The following PCDHGB1 variants were observed in gnomAD, a reference collection of about 807,000 sequenced individuals.
PCDHGB1 encodes protocadherin gamma-B1.
Under a neutral mutation model 56.6 loss-of-function variants are expected in PCDHGB1, and 34 were observed. The observed-to-expected ratio is 0.60, with a 90% CI of 0.46 to 0.80. The LOEUF (loss-of-function observed/expected upper bound fraction) is 0.80, where lower values mean the gene tolerates loss of function less well. PCDHGB1 is among the 30% of genes least tolerant of loss of function. PCDHGB1 has a pLI of 0.00. For missense variants in PCDHGB1, 1,278 were observed against 1,204.6 expected (o/e 1.06, Z -0.90); for synonymous variants, 561 against 505.9 (o/e 1.11, Z -1.46).
Position 141,432,562 on chromosome 5 carries a change from C to G in PCDHGB1, c.2410-62245C>G. On this transcript the variant is annotated intron_variant, in intron 1 of 3. Coordinates refer to ENST00000523390, the MANE Select transcript of PCDHGB1 (RefSeq NM_018922.3). The surrounding 1 kb of genome is among the most constrained non-coding windows in gnomAD (Gnocchi z 6.0). ...CGGTGGACAGAGACTCCGGCCAGAA[C>G]GCCTGGCTGTCCTACCGTCTGCTCA... 1 of 1,613,964 alleles carries G rather than the reference C, an allele frequency of 6.2e-7. No homozygotes were observed. Among genetic ancestry groups the G allele is most frequent in the Non-Finnish European group, 8.5e-7 (1 of 1,180,004 alleles).
At chr5:141,484,899 T>G (rs1296997337) in intron 1 of PCDHGB1, 9 of 398,498 alleles carry the variant, frequency 2.3e-5, no homozygotes, top group Non-Finnish European at 3.1e-5. Flanking sequence ...TCCCCTCCAA[T>G]GCTGCGACGC....
intron 1 of PCDHGB1, chr5:141,393,343 A>G (rs751102208): frequency 8.1e-6 from 13 of 1,613,914 alleles, no homozygotes; most frequent in Non-Finnish European, 1.1e-5. Context: ...CCCAATCACC[A>G]CTTCTCCCTG....
chr5:141,378,077 T>A (rs955421264), intron 1 of PCDHGB1: 1 of 152,136 alleles, frequency 6.6e-6, no homozygotes, highest in Non-Finnish European at 1.5e-5. Flanking sequence ...AGAAAATAAT[T>A]TTATAACTTT....
intron 2 of PCDHGB1, among the ~76,000 whole-genome samples, chr5:141,501,530 G>A (rs556760554): frequency 3.5e-4 from 53 of 151,998 alleles, no homozygotes; most frequent in Admixed American, 2.2e-3. Context: ...AGCCCAGTAC[G>A]TTGTTGTGCA....
At chr5:141,415,252 C>T (rs895920596) in intron 1 of PCDHGB1, 5 of 1,614,098 alleles carry the variant, frequency 3.1e-6, no homozygotes, top group Non-Finnish European at 4.2e-6. Context: ...AACCTCAGAC[C>T]TCACTCTGTA....
At chr5:141,509,077 C>A (rs1371396735) in intron 3 of PCDHGB1, among the ~76,000 whole-genome samples, 3 of 152,242 alleles carry the variant, frequency 2.0e-5, no homozygotes, top group Admixed American at 2.0e-4. Flanking sequence ...CGGGGATTTG[C>A]GACATGAAAT....
intron 1 of PCDHGB1, chr5:141,410,735 T>C: frequency 7.5e-7 from 1 of 1,336,188 alleles, no homozygotes; most frequent in Non-Finnish European, 1.0e-6. Context: ...CATAGCTTTT[T>C]ACAATATTTT....
chr5:141,453,101 T>TTTCTG (rs1554138035), intron 1 of PCDHGB1, among the ~76,000 whole-genome samples: 1 of 152,012 alleles, frequency 6.6e-6, no homozygotes, highest in Non-Finnish European at 1.5e-5. Context: ...TTCTGTTGCT[T>TTTCTG]TTTTGTTTTG....
intron 1 of PCDHGB1, chr5:141,394,415 C>G: frequency 6.2e-7 from 1 of 1,614,242 alleles, no homozygotes; most frequent in Non-Finnish European, 8.5e-7. Flanking sequence ...TGGTAACAGC[C>G]AGCGACAGCG....
rs1482322150 is a variant in PCDHGB1, at chr5:141,485,119, C to T, written c.2410-9688C>T. On this transcript the variant is annotated intron_variant, in intron 1 of 3. Transcript: ENST00000523390. This position sits in a 1 kb window ranked among gnomAD's most constrained non-coding sequence, Gnocchi z 5.7. ...CTCCAGCTGCTGTGGCTGTTTGGGGCGGGTCGGCTTCATCCGCGTCTCAGG... is the reference window on the plus strand; with the variant it reads ...CTCCAGCTGCTGTGGCTGTTTGGGGTGGGTCGGCTTCATCCGCGTCTCAGG... 9.8e-6 allele frequency: 13 copies of T among 1,328,806 alleles called. No individual in the cohort carries two copies. The East Asian group carries it at 1.8e-4, about 19-fold the overall frequency. 82.3% of individuals were successfully genotyped at this position (1,328,806 alleles called of 1,614,324 possible). A position where few individuals can be genotyped will look rare whatever the true frequency, so the allele number is the denominator to read the frequency against.
intron 1 of PCDHGB1, chr5:141,405,493 C>T: frequency 1.2e-6 from 1 of 841,642 alleles, no homozygotes; most frequent in Middle Eastern, 3.1e-4. Flanking sequence ...GATCTCGGCT[C>T]ATTGCAACCT....
chr5:141,491,291 C>T lies in PCDHGB1; in HGVS notation c.2410-3516C>T. 1 of 1,614,152 alleles carries T rather than the reference C, an allele frequency of 6.2e-7. No homozygotes were observed. The highest frequency in any genetic ancestry group is 8.5e-7 in the Non-Finnish European group (1 of 1,179,974). On this transcript the variant is annotated intron_variant, in intron 1 of 3. Coordinates refer to ENST00000523390, the MANE Select transcript of PCDHGB1 (RefSeq NM_018922.3). This position sits in a 1 kb window ranked among gnomAD's most constrained non-coding sequence, Gnocchi z 6.9. The stretch of plus-strand genomic sequence containing the variant: ...AAATCCAGTGACTTCCTCATACACC[C>T]TCCTGAGCGTTCAGACCTTACCCTT...
chr5:141,399,960 G>T, intron 1 of PCDHGB1: 1 of 1,612,214 alleles, frequency 6.2e-7, no homozygotes, highest in Non-Finnish European at 8.5e-7. Flanking sequence ...GCGAGCCCGG[G>T]CTCTTCAGCC....
At chr5:141,371,827 A>T in intron 1 of PCDHGB1, 1 of 1,613,784 alleles carries the variant, frequency 6.2e-7, no homozygotes, top group Non-Finnish European at 8.5e-7. Flanking sequence ...AGAGCCTCGG[A>T]TCCCGACTTG....
chr5:141,502,667 T>G (rs2099815574), intron 2 of PCDHGB1, among the ~76,000 whole-genome samples: 1 of 152,236 alleles, frequency 6.6e-6, no homozygotes. Context: ...TTCATGCAAT[T>G]TTAGTATTCC....
At chr5:141,422,723 G>T in intron 1 of PCDHGB1, 1 of 1,605,958 alleles carries the variant, frequency 6.2e-7, no homozygotes, top group South Asian at 1.1e-5. Flanking sequence ...ACTGTCCAGG[G>T]GGTGCCTCTG....
chr5:141,403,741 T>G, intron 1 of PCDHGB1: 1 of 1,613,906 alleles, frequency 6.2e-7, no homozygotes. Context: ...GGCTGCTTAC[T>G]GCAACAGCCA....
Position 141,350,552 on chromosome 5 carries a change from G to C in PCDHGB1, c.292G>C (p.Glu98Gln). The change falls in exon 1 of 4, where the codon GAG becomes CAG. Residue 98 changes from glutamate to glutamine, a missense_variant. Coordinates refer to ENST00000523390, the MANE Select transcript of PCDHGB1 (RefSeq NM_018922.3). The part of the protein sequence containing the change: ...DREKICGRKL[E>Q]CALEFETVAE... The stretch of plus-strand genomic sequence containing the variant: ...AGAGAAGATTTGCGGAAGGAAACTT[G>C]AGTGTGCACTAGAATTCGAAACGGT... The C allele has an allele frequency of 6.2e-7, 1 of 1,614,066 alleles. No homozygotes were observed. The highest frequency in any genetic ancestry group is 8.5e-7 in the Non-Finnish European group (1 of 1,179,902).
intron 1 of PCDHGB1, chr5:141,374,479 A>T (rs756371683): frequency 1.2e-6 from 2 of 1,611,840 alleles, no homozygotes; most frequent in Non-Finnish European, 1.7e-6. Flanking sequence ...ATACACCCCG[A>T]TTCTTAAAGG....
Sources: allele counts gnomAD v4.1 joint callset (sites outside exome capture counted in the v4.1 genomes callset), GRCh38; gene constraint gnomAD v4.1.1; non-coding constraint Gnocchi (gnomAD v3.1); transcripts MANE v1.5; gene names NCBI Gene and HGNC (gene_info 2026-07-23, HGNC 2026-07-21).